The following CLPSL1 variants were observed in gnomAD, a reference collection of about 807,000 sequenced individuals.
CLPSL1 encodes the protein colipase like 1.
Under a neutral mutation model 9.3 loss-of-function variants are expected in CLPSL1, and 13 were observed. The observed-to-expected ratio is 1.40, with a 90% CI of 0.91 to 2.22. The LOEUF (loss-of-function observed/expected upper bound fraction) is 2.22. CLPSL1 is among the 30% of genes most tolerant of loss of function. The probability of loss-of-function intolerance (pLI) is 0.00; values close to 1 mark genes in which losing one functional copy is unlikely to be tolerated. For synonymous variants in CLPSL1, 58 were observed against 56.9 expected, an observed-to-expected ratio of 1.02 and a Z score of -0.08; for missense variants, 164 against 146.6, an observed-to-expected ratio of 1.12 and a Z score of -0.61.
chr6:35,787,939 T>C lies in CLPSL1; in HGVS notation c.295T>C (p.Trp99Arg), dbSNP rs920980109. Residue 99 changes from tryptophan to arginine, a missense_variant, in exon 3 of 3, where the codon TGG (tryptophan) becomes CGG (arginine). Coordinates refer to ENST00000373861, the MANE Select transcript of CLPSL1 (RefSeq NM_001010886.5). ...TTGTATATATTCAAAGAATGAGAAA[T>C]GGCTTAGCATCGCCTATGGCCGTTG... ...LTCIYSKNEK[W>R]LSIAYGRCQK... The C allele has an allele frequency of 7.4e-6, 12 of 1,612,786 alleles. No individual in the cohort carries two copies. The highest frequency in any genetic ancestry group is 1.0e-5 in the Non-Finnish European group (12 of 1,178,870).
intron 1 of CLPSL1, among the ~76,000 whole-genome samples, 195 bp downstream of exon 1, chr6:35,781,404 G>T (rs537907028): frequency 1.3e-5 from 2 of 152,262 alleles, no homozygotes; most frequent in South Asian, 4.1e-4. Context: ...GCAGTGCCAG[G>T]TGCTGCTGCC....
At chr6:35,790,627 G>A (rs1302122963), downstream of CLPSL1, among the ~76,000 whole-genome samples, 6 of 152,266 alleles carry the variant, frequency 3.9e-5, no homozygotes, top group Non-Finnish European at 7.3e-5. Flanking sequence ...TAATTTTTAG[G>A]AAAGATGAAT....
downstream of CLPSL1, among the ~76,000 whole-genome samples, chr6:35,789,792 G>T (rs1358742502): frequency 6.6e-6 from 1 of 152,212 alleles, no homozygotes; most frequent in African/African-American, 2.4e-5. Context: ...TACTCAGGGG[G>T]CTGAGGTGGG....
chr6:35,785,705 C>A (rs1768055847), intron 1 of CLPSL1, among the ~76,000 whole-genome samples: 1 of 152,228 alleles, frequency 6.6e-6, no homozygotes, highest in South Asian at 2.1e-4. Context: ...ACTGTTGAAC[C>A]ATCACCTGAC....
At chr6:35,793,540 A>G (rs1768265487) in exon 2 of CLPSL1, 2 of 471,768 alleles carry the variant, frequency 4.2e-6, no homozygotes, top group Non-Finnish European at 8.8e-6. Context: ...ACGTGAAGTC[A>G]TGAGCTGCTG....
chr6:35,786,046 C>T (rs1768066496), intron 1 of CLPSL1, among the ~76,000 whole-genome samples: 1 of 151,930 alleles, frequency 6.6e-6, no homozygotes, highest in African/African-American at 2.4e-5. Flanking sequence ...GGGTGGATCA[C>T]CTGAGGTCAG....
At chr6:35,789,836 G>A (rs1425560041), downstream of CLPSL1, among the ~76,000 whole-genome samples, 1 of 152,240 alleles carries the variant, frequency 6.6e-6, no homozygotes, top group East Asian at 1.9e-4. Flanking sequence ...GGAGGTTGCA[G>A]TGAGCCGAGA....
intron 1 of CLPSL1, 31 bp downstream of exon 1, chr6:35,781,240 C>G (rs755227536): frequency 6.2e-7 from 1 of 1,609,508 alleles, no homozygotes; most frequent in Non-Finnish European, 8.5e-7. Flanking sequence ...AGTCACCTCC[C>G]CCTCCACTGT....
At chr6:35,781,247 C>CA (rs764771695) in intron 1 of CLPSL1, 38 bp downstream of exon 1, 1 of 1,607,424 alleles carries the variant, frequency 6.2e-7, no homozygotes, top group East Asian at 2.2e-5. Context: ...TCCCCCTCCA[C>CA]TGTCCTAAGG....
At chr6:35,792,273 CAA>C (rs36018273), downstream of CLPSL1, among the ~76,000 whole-genome samples, 27 of 138,902 alleles carry the variant, frequency 1.9e-4, no homozygotes, top group East Asian at 4.2e-4. Flanking sequence ...GACCCTGTCT[CAA>C]AAAAAAAAAA....
At chr6:35,793,536 A>C in exon 2 of CLPSL1, 1 of 471,884 alleles carries the variant, frequency 2.1e-6, no homozygotes, top group Non-Finnish European at 4.4e-6. Context: ...GAGAACGTGA[A>C]GTCATGAGCT....
chr6:35,793,373 C>T (rs1158021528), intron 1 of CLPSL1: 7 of 443,528 alleles, frequency 1.6e-5, no homozygotes, highest in South Asian at 4.8e-5. Context: ...TGCAGGGAGC[C>T]GAGATCGTGC....
Position 35,786,678 on chromosome 6 carries a change from G to A in CLPSL1, c.100-320G>A, listed in dbSNP as rs557703623. On this transcript the variant is annotated intron_variant, in intron 1 of 2. Transcript: ENST00000373861. ...AGGTGAAAGGGTGAGTATGAGTTTT[G>A]GGGCGAGAAGGCTCTGCAGCAGAAT... Among the ~76,000 whole-genome samples, 131 of 149,400 alleles carry A rather than the reference G, an allele frequency of 8.8e-4. 1 individual carries two copies. The highest frequency in any genetic ancestry group is 2.4e-3 in the African/African-American group (98 of 40,364).
At chr6:35,786,885 T>A in intron 1 of CLPSL1, 113 bp from the exon 2 acceptor site, 1 of 1,330,142 alleles carries the variant, frequency 7.5e-7, no homozygotes, top group Non-Finnish European at 1.0e-6. Context: ...GAGCCAGAGG[T>A]GATGGTGGGA....
intron 1 of CLPSL1, among the ~76,000 whole-genome samples, chr6:35,786,683 G>A (rs192835713): frequency 2.0e-5 from 3 of 152,312 alleles, no homozygotes; most frequent in South Asian, 2.1e-4. Flanking sequence ...GTTTTGGGGC[G>A]AGAAGGCTCT....
chr6:35,791,198 C>A (rs571059196), downstream of CLPSL1, among the ~76,000 whole-genome samples: 7 of 152,364 alleles, frequency 4.6e-5, no homozygotes, highest in East Asian at 1.3e-3. Flanking sequence ...TTGGTAGAGG[C>A]TGCCGTTGTC....
At chr6:35,789,830 G>A (rs947875085), downstream of CLPSL1, among the ~76,000 whole-genome samples, 1 of 152,196 alleles carries the variant, frequency 6.6e-6, no homozygotes, top group Non-Finnish European at 1.5e-5. Context: ...GGAGGTGGAG[G>A]TTGCAGTGAG....
At position 35,783,509 on chromosome 6, in the gene CLPSL1, CA is replaced by C. The variant is rs911622955; in HGVS notation, c.99+2311del. ...TGGGCAGTAGAGTGAGACTTTGTCT[CA>C]AAAAAAAAAAGGGGGGCTGGGCGCG... On this transcript the variant is annotated intron_variant, in intron 1 of 2. Coordinates refer to ENST00000373861, the MANE Select transcript of CLPSL1 (RefSeq NM_001010886.5). Among the ~76,000 whole-genome samples, 806 of 138,552 alleles carry C rather than the reference CA, an allele frequency of 5.8e-3. 9 individuals are homozygous for C. Among genetic ancestry groups the C allele is most frequent in the African/African-American group, 0.019 (697 of 37,186 alleles). The allele number at this position is 138,552 out of a possible 152,430, so 90.9% of individuals were successfully genotyped here. A position where few individuals can be genotyped will look rare whatever the true frequency, so the allele number is the denominator to read the frequency against.
In CLPSL1 at chr6:35,788,029, GCCTCCT is replaced by G; in HGVS notation, c.*28_*33del. The G allele has an allele frequency of 6.3e-7, 1 of 1,589,172 alleles. No individual in the cohort carries two copies. The highest frequency in any genetic ancestry group is 8.6e-7 in the Non-Finnish European group (1 of 1,158,212). On this transcript the variant is annotated 3_prime_UTR_variant, in exon 3 of 3. Transcript: ENST00000373861. The stretch of plus-strand genomic sequence containing the variant: ...CTTCTAGTGCTCCCTCCTTCTTGCT[GCCTCCT>G]CCTCCTCCACCTGCTCTCCTCCCTA...
Sources: allele counts gnomAD v4.1 joint callset (sites outside exome capture counted in the v4.1 genomes callset), GRCh38; gene constraint gnomAD v4.1.1; transcripts MANE v1.5; gene names NCBI Gene and HGNC (gene_info 2026-07-23, HGNC 2026-07-21).